Variants in NBPF20 observed in about 807,000 individuals in gnomAD.
The protein encoded by NBPF20 is NBPF member 20.
Under a neutral mutation model 68.1 loss-of-function variants are expected in NBPF20, and 90 were observed. That is an observed-to-expected ratio of 1.32 (90% CI 1.11 to 1.58). The LOEUF is 1.58. NBPF20 is among the 40% of genes most tolerant of loss of function. The pLI, the probability that NBPF20 is intolerant of heterozygous loss-of-function variation, is 0.00. For synonymous variants in NBPF20, 290 were observed against 228.1 expected (o/e 1.27, Z -2.45); for missense variants, 816 against 601.2 (o/e 1.36, Z -3.74).
chr1:145,423,154 TC>T, the NBPF20 span, among the ~76,000 whole-genome samples: 1 of 133,678 alleles, frequency 7.5e-6, no homozygotes, highest in Non-Finnish European at 1.6e-5. Flanking sequence ...ATTAAGAATC[TC>T]AGGCTGGGTG....
intron 7 of NBPF20, among the ~76,000 whole-genome samples, chr1:145,396,366 T>G (rs1662238301): frequency 6.6e-6 from 1 of 151,132 alleles, no homozygotes; most frequent in Non-Finnish European, 1.5e-5. Flanking sequence ...AAAGACCAAA[T>G]CTACATTTGA....
the NBPF20 span, among the ~76,000 whole-genome samples, chr1:145,410,603 G>A: frequency 1.3e-5 from 2 of 150,856 alleles, no homozygotes; most frequent in Non-Finnish European, 3.0e-5. Context: ...GTGAGCCACC[G>A]CGCCCGGCCC....
the NBPF20 span, among the ~76,000 whole-genome samples, chr1:145,412,263 T>A: frequency 3.3e-5 from 5 of 152,134 alleles, 1 homozygote; most frequent in African/African-American, 1.2e-4. Context: ...CTACTTTGTT[T>A]TTGGAAGCAT....
intron 2 of NBPF20, among the ~76,000 whole-genome samples, chr1:145,404,142 C>T (rs1335694868): frequency 6.8e-6 from 1 of 147,036 alleles, no homozygotes; most frequent in Non-Finnish European, 1.5e-5. Flanking sequence ...TGCTTCCACA[C>T]ATTCTCGGGT....
chr1:145,409,893 C>T (rs1195233388), upstream of NBPF20, among the ~76,000 whole-genome samples: 2 of 151,438 alleles, frequency 1.3e-5, no homozygotes, highest in African/African-American at 4.8e-5. Context: ...ATTTCCAGGC[C>T]GTTTCCCTGT....
intron 7 of NBPF20, among the ~76,000 whole-genome samples, chr1:145,398,760 A>T (rs1662377300): frequency 6.6e-6 from 1 of 151,680 alleles, no homozygotes; most frequent in Non-Finnish European, 1.5e-5. Flanking sequence ...GACACAAAAA[A>T]CCCTTCAAAA....
intron 7 of NBPF20, among the ~76,000 whole-genome samples, chr1:145,396,253 A>C (rs1371363788): frequency 6.6e-6 from 1 of 152,030 alleles, no homozygotes; most frequent in Non-Finnish European, 1.5e-5. Flanking sequence ...AAATGGTATC[A>C]GTGATTCAAG....
chr1:145,395,343 A>G (rs1553663544), intron 7 of NBPF20, among the ~76,000 whole-genome samples: 1 of 146,414 alleles, frequency 6.8e-6, no homozygotes, highest in Non-Finnish European at 1.5e-5. Context: ...AATGGGCAGC[A>G]TGTGCTCAGT....
chr1:145,409,433 A>G (rs587690542), upstream of NBPF20, among the ~76,000 whole-genome samples: 14 of 149,354 alleles, frequency 9.4e-5, no homozygotes, highest in African/African-American at 3.4e-4. Context: ...ATTAAGAGGA[A>G]AAAAAAAAAA....
intron 7 of NBPF20, among the ~76,000 whole-genome samples, chr1:145,398,397 C>G (rs1403890907): frequency 4.0e-5 from 6 of 151,874 alleles, no homozygotes; most frequent in Non-Finnish European, 7.4e-5. Context: ...ACAGTGCAAT[C>G]AAATTAGAAC....
intron 3 of NBPF20, 144 bp from the exon 9 acceptor site, chr1:145,402,525 A>G: frequency 1.4e-6 from 1 of 721,334 alleles, no homozygotes; most frequent in South Asian, 1.6e-5. Flanking sequence ...GTCTGTGGCC[A>G]AGAGAAAGAA....
intron 109 of NBPF20, among the ~76,000 whole-genome samples, chr1:145,314,298 G>T (rs1299783535): frequency 8.1e-6 from 1 of 123,414 alleles, no homozygotes; most frequent in Non-Finnish European, 1.7e-5. Flanking sequence ...GAATTGTCCA[G>T]GTGACACACT....
chr1:145,415,033 T>A, the NBPF20 span, among the ~76,000 whole-genome samples: 2 of 152,166 alleles, frequency 1.3e-5, no homozygotes, highest in Non-Finnish European at 2.9e-5. Context: ...CACTGGCCTC[T>A]GAGTTCCCTT....
chr1:145,402,195 T>C, exon 4 of NBPF20: 2 of 1,483,650 alleles, frequency 1.3e-6, no homozygotes, highest in Non-Finnish European at 1.9e-6. Context: ...CAAGGTGCTG[T>C]GCCAGTCTAC....
chr1:145,423,943 G>A, the NBPF20 span, among the ~76,000 whole-genome samples: 8 of 149,350 alleles, frequency 5.4e-5, no homozygotes, highest in East Asian at 3.9e-4. Context: ...TTGATCTGTG[G>A]TGGTTCACTT....
the NBPF20 span, among the ~76,000 whole-genome samples, chr1:145,423,567 G>A: frequency 5.3e-5 from 8 of 151,830 alleles, no homozygotes; most frequent in South Asian, 2.1e-4. Context: ...ACACATATCC[G>A]GAAAAAAGTA....
chr1:145,422,064 T>G, the NBPF20 span, among the ~76,000 whole-genome samples: 3 of 151,584 alleles, frequency 2.0e-5, no homozygotes, highest in African/African-American at 7.3e-5. Context: ...TGGTTCGATG[T>G]AGTCCTAAAA....
intron 9 of NBPF20, among the ~76,000 whole-genome samples, 169 bp from the exon 15 acceptor site, chr1:145,393,415 G>C (rs1327886595): frequency 6.6e-6 from 1 of 150,966 alleles, no homozygotes; most frequent in South Asian, 2.1e-4. Context: ...GGGCCAGGTA[G>C]AAAAGGATGA....
chr1:145,410,688 CAA>C, the NBPF20 span, among the ~76,000 whole-genome samples: 2 of 86,456 alleles, frequency 2.3e-5, no homozygotes, highest in African/African-American at 5.4e-5. Flanking sequence ...TATCAGACTG[CAA>C]TATATATATA....
Sources: allele counts gnomAD v4.1 joint callset (sites outside exome capture counted in the v4.1 genomes callset), GRCh38; gene constraint gnomAD v4.1.1; transcripts MANE v1.5; gene names NCBI Gene and HGNC (gene_info 2026-07-23, HGNC 2026-07-21).